The following PFKFB1 variants were observed in gnomAD, a reference collection of about 807,000 sequenced individuals.
The protein encoded by PFKFB1 is 6-phosphofructo-2-kinase/fructose-2,6-biphosphatase 1.
In PFKFB1, 34 loss-of-function variants were observed where a neutral mutation model predicts 46.4. The ratio of observed to expected loss-of-function variants is 0.73; its 90% CI spans 0.56 to 0.98. The LOEUF is 0.98. Ranked by LOEUF, PFKFB1 falls within the 50% of genes least tolerant of loss-of-function variation. The probability of loss-of-function intolerance (pLI) is 0.00; values close to 1 mark genes in which losing one functional copy is unlikely to be tolerated. For synonymous variants in PFKFB1, 119 were observed against 133.8 expected (o/e 0.89, Z 0.76); for missense variants, 393 against 376.3 (o/e 1.04, Z -0.37).
intron 3 of PFKFB1, among the ~76,000 whole-genome samples, chrX:54,960,190 G>C (rs1934268196): frequency 8.9e-6 from 1 of 112,611 alleles, no homozygotes; most frequent in Admixed American, 9.4e-5. Context: ...CAACCCTTGA[G>C]CTAATGGAAC....
intron 7 of PFKFB1, among the ~76,000 whole-genome samples, chrX:54,955,334 C>G (rs1285490630): frequency 9.0e-6 from 1 of 111,124 alleles, no homozygotes; most frequent in Non-Finnish European, 1.9e-5. Context: ...TGGTGATGAC[C>G]ATTTGAAGCC....
intron 1 of PFKFB1, among the ~76,000 whole-genome samples, chrX:54,975,463 G>A (rs769444122): frequency 1.8e-5 from 2 of 110,305 alleles, no homozygotes; most frequent in African/African-American, 3.3e-5. Flanking sequence ...TGATATAATG[G>A]ACTCTGGGGA....
intron 1 of PFKFB1, among the ~76,000 whole-genome samples, chrX:54,990,457 T>C (rs1206747959): frequency 3.6e-5 from 4 of 111,360 alleles, no homozygotes; most frequent in African/African-American, 9.8e-5. Flanking sequence ...CTAACTTTAG[T>C]GGAAATAGCA....
intron 1 of PFKFB1, among the ~76,000 whole-genome samples, chrX:54,973,252 T>C (rs1399893777): frequency 9.0e-6 from 1 of 111,596 alleles, no homozygotes; most frequent in Non-Finnish European, 1.9e-5. Flanking sequence ...TTAGTCTTGC[T>C]AGCGGTCTAT....
chrX:54,935,452 C>G (rs1471963432), intron 11 of PFKFB1, among the ~76,000 whole-genome samples: 2 of 112,415 alleles, frequency 1.8e-5, no homozygotes, highest in Non-Finnish European at 3.8e-5. Context: ...CCAGCCTGGC[C>G]CGCTCCCTCT....
At chrX:54,973,205 A>G (rs2146661119) in intron 1 of PFKFB1, among the ~76,000 whole-genome samples, 1 of 110,626 alleles carries the variant, frequency 9.0e-6, no homozygotes, top group East Asian at 2.9e-4. Context: ...ATCATTTTTT[A>G]TTGCGTCTAT....
At chrX:54,950,733 A>G (rs1933945229) in intron 8 of PFKFB1, among the ~76,000 whole-genome samples, 1 of 112,061 alleles carries the variant, frequency 8.9e-6, no homozygotes, top group Non-Finnish European at 1.9e-5. Flanking sequence ...GTGGGACATG[A>G]GGGAGTCACA....
At chrX:54,981,264 C>A (rs755076776) in intron 1 of PFKFB1, among the ~76,000 whole-genome samples, 1 of 110,237 alleles carries the variant, frequency 9.1e-6, no homozygotes, top group Non-Finnish European at 1.9e-5. Context: ...CAAAAAAAAA[C>A]AAGCAACATT....
chrX:54,998,406 C>T (rs947920827), upstream of PFKFB1: 44 of 1,149,010 alleles, frequency 3.8e-5, no homozygotes, highest in Non-Finnish European at 4.7e-5. Flanking sequence ...TCTCACCTAC[C>T]TTTTATTCTA....
chrX:54,951,533 A>G (rs1933974222), intron 8 of PFKFB1, among the ~76,000 whole-genome samples: 1 of 112,491 alleles, frequency 8.9e-6, no homozygotes, highest in South Asian at 3.7e-4. Context: ...ACAGTCACCC[A>G]CTGACAGAGG....
At chrX:54,975,088 C>G (rs1454747271) in intron 1 of PFKFB1, among the ~76,000 whole-genome samples, 1 of 111,529 alleles carries the variant, frequency 9.0e-6, no homozygotes, top group African/African-American at 3.3e-5. Flanking sequence ...TTTGATCCAG[C>G]AATCCCACTA....
At chrX:54,969,317 A>G (rs189236491) in intron 1 of PFKFB1, among the ~76,000 whole-genome samples, 1 of 111,722 alleles carries the variant, frequency 9.0e-6, no homozygotes, top group Admixed American at 9.5e-5. Context: ...TGATAAAAGG[A>G]TAAGTTTGGC....
At chrX:54,935,064 C>A in intron 11 of PFKFB1, 55 bp from the exon 12 acceptor site, 4 of 941,245 alleles carry the variant, frequency 4.2e-6, no homozygotes, top group Non-Finnish European at 6.1e-6. Flanking sequence ...AGGACACAGC[C>A]TCCCCAGGCC....
chrX:54,969,909 T>C (rs1472983950), intron 1 of PFKFB1, among the ~76,000 whole-genome samples: 2 of 111,984 alleles, frequency 1.8e-5, no homozygotes. Context: ...CTATAATTTA[T>C]TTTATGTTTT....
rs747159556 is a variant in PFKFB1 at position 54,985,310 on chromosome X, C to CCAAA, written c.97+8597_97+8600dup. On this transcript the variant is annotated intron_variant, in intron 1 of 13. Transcript: ENST00000375006. ...GGGCAATGCATGCTTCAGGACACTG[C>CCAAA]CAAACAAACAAACAAACAAAAAACA... Among the ~76,000 whole-genome samples, 191 of 111,154 alleles carry CCAAA rather than the reference C, an allele frequency of 1.7e-3. 1 individual carries two copies. Among genetic ancestry groups the CCAAA allele is most frequent in the Middle Eastern group, 4.6e-3 (1 of 218 alleles).
At chrX:54,941,991 C>G (rs773752830) in intron 10 of PFKFB1, among the ~76,000 whole-genome samples, 1 of 112,105 alleles carries the variant, frequency 8.9e-6, no homozygotes, top group East Asian at 2.8e-4. Flanking sequence ...TTGGAACCAA[C>G]CCAAATGTCC....
chrX:54,946,039 G>T (rs1427863691), intron 9 of PFKFB1, among the ~76,000 whole-genome samples: 2 of 109,865 alleles, frequency 1.8e-5, no homozygotes, highest in African/African-American at 3.3e-5. Context: ...GTGTGTATAG[G>T]GTGTCTAAGC....
upstream of PFKFB1, among the ~76,000 whole-genome samples, chrX:54,998,086 T>A (rs1935382694): frequency 8.9e-6 from 1 of 111,920 alleles, no homozygotes; most frequent in Non-Finnish European, 1.9e-5. Flanking sequence ...AACCCTACTT[T>A]ACACATCAGT....
chrX:54,991,539 C>CTGTGTGTG (rs59214352), intron 1 of PFKFB1, among the ~76,000 whole-genome samples: 2 of 61,871 alleles, frequency 3.2e-5, no homozygotes, highest in Non-Finnish European at 7.3e-5. Context: ...CTCTCTCTCT[C>CTGTGTGTG]TGTGTGTGTG....
Sources: allele counts gnomAD v4.1 joint callset (sites outside exome capture counted in the v4.1 genomes callset), GRCh38; gene constraint gnomAD v4.1.1; transcripts MANE v1.5; gene names NCBI Gene and HGNC (gene_info 2026-07-23, HGNC 2026-07-21).